KAZN: variants seen among roughly 807,000 people sequenced by gnomAD.
KAZN encodes the protein kazrin.
In KAZN, 40 loss-of-function variants were observed where a neutral mutation model predicts 87.4. That is an observed-to-expected ratio of 0.46 (90% CI 0.36 to 0.60). The LOEUF is 0.60. Among genes scored for constraint, KAZN ranks in the 20% least tolerant of loss-of-function variants. The pLI, the probability that KAZN is intolerant of heterozygous loss-of-function variation, is 0.00. For synonymous variants in KAZN, 466 were observed against 458.3 expected (o/e 1.02, Z -0.22); for missense variants, 898 against 1,073.9 (o/e 0.84, Z 2.29).
chr1:14,977,409 A>G (rs1665757529), intron 2 of KAZN, among the ~76,000 whole-genome samples: 1 of 152,190 alleles, frequency 6.6e-6, no homozygotes, highest in Non-Finnish European at 1.5e-5. Flanking sequence ...TCCATCCCAG[A>G]TTCCGGAAGG....
intron 2 of KAZN, among the ~76,000 whole-genome samples, chr1:14,570,249 T>C (rs1674783796): frequency 6.6e-6 from 1 of 152,228 alleles, no homozygotes; most frequent in Non-Finnish European, 1.5e-5. Flanking sequence ...TTTTAACAGC[T>C]TTATTAGGGT....
intron 1 of KAZN, among the ~76,000 whole-genome samples, chr1:14,862,300 A>G (rs1297711736): frequency 6.6e-6 from 1 of 152,172 alleles, no homozygotes; most frequent in East Asian, 1.9e-4. Flanking sequence ...CCGTCGGCAG[A>G]AGGCCTGCTG....
At chr1:15,014,518 A>T (rs1669886355) in intron 2 of KAZN, among the ~76,000 whole-genome samples, 1 of 152,046 alleles carries the variant, frequency 6.6e-6, no homozygotes, top group South Asian at 2.1e-4. Context: ...TAACCCTTCA[A>T]GCTCTGCTGG....
chr1:14,847,518 C>T (rs1311383123), intron 1 of KAZN, among the ~76,000 whole-genome samples: 1 of 152,200 alleles, frequency 6.6e-6, no homozygotes, highest in African/African-American at 2.4e-5. Flanking sequence ...TGCCTTGGGT[C>T]CGCAGTGAGC....
At chr1:14,204,761 C>A (rs890077482) in intron 2 of KAZN, among the ~76,000 whole-genome samples, 9 of 152,280 alleles carry the variant, frequency 5.9e-5, no homozygotes, top group African/African-American at 2.2e-4. Context: ...TGTAGAGTCG[C>A]AAAGTTATGG....
At chr1:14,629,538 C>T (rs1043429181) in intron 1 of KAZN, among the ~76,000 whole-genome samples, 3 of 152,184 alleles carry the variant, frequency 2.0e-5, no homozygotes, top group Non-Finnish European at 4.4e-5. Flanking sequence ...GAGGTGGCCA[C>T]GCCCTGCCTC....
intron 2 of KAZN, among the ~76,000 whole-genome samples, chr1:14,296,167 G>A (rs532555200): frequency 6.6e-6 from 1 of 152,212 alleles, no homozygotes; most frequent in Non-Finnish European, 1.5e-5. Flanking sequence ...TGAATGTCTA[G>A]CATAAAGAAG....
intron 1 of KAZN, among the ~76,000 whole-genome samples, chr1:14,878,085 G>T (rs1235653364): frequency 6.6e-6 from 1 of 152,056 alleles, no homozygotes; most frequent in African/African-American, 2.4e-5. Flanking sequence ...CCAGCTCTCC[G>T]ACATATTGGC....
chr1:14,568,938 T>C (rs144898221), intron 2 of KAZN, among the ~76,000 whole-genome samples: 28 of 152,324 alleles, frequency 1.8e-4, no homozygotes, highest in African/African-American at 6.7e-4. Context: ...CCATTAGCCC[T>C]GGGGAAATTA....
At chr1:15,029,537 T>C (rs1671478955) in intron 2 of KAZN, among the ~76,000 whole-genome samples, 1 of 152,086 alleles carries the variant, frequency 6.6e-6, no homozygotes, top group Admixed American at 6.5e-5. Flanking sequence ...GACTGCCGGA[T>C]AAATGATAAC....
intron 2 of KAZN, among the ~76,000 whole-genome samples, chr1:15,015,745 C>G (rs58829231): frequency 7.2e-5 from 11 of 152,130 alleles, no homozygotes; most frequent in Admixed American, 7.2e-4. Context: ...TGACCACCAT[C>G]CCTTCTGGTG....
At chr1:14,804,646 A>G (rs1023943111) in intron 1 of KAZN, among the ~76,000 whole-genome samples, 1 of 152,180 alleles carries the variant, frequency 6.6e-6, no homozygotes, top group African/African-American at 2.4e-5. Context: ...TGCAATGGAA[A>G]AAGAGGCCTC....
intron 2 of KAZN, among the ~76,000 whole-genome samples, chr1:14,426,341 T>G (rs1665724661): frequency 6.6e-6 from 1 of 152,138 alleles, no homozygotes; most frequent in Admixed American, 6.5e-5. Context: ...CATTCCTGCC[T>G]CACATGTATC....
At chr1:15,048,668 C>CTGGTCCTGGGTCGT (rs1673890970) in intron 4 of KAZN, among the ~76,000 whole-genome samples, 2 of 68,452 alleles carry the variant, frequency 2.9e-5, no homozygotes, top group Non-Finnish European at 2.7e-5. Context: ...TCCTGGGTCG[C>CTGGTCCTGGGTCGT]TGGTCCTGGG....
intron 2 of KAZN, among the ~76,000 whole-genome samples, chr1:14,292,937 A>C (rs1271686888): frequency 1.3e-5 from 2 of 152,230 alleles, no homozygotes; most frequent in Non-Finnish European, 2.9e-5. Flanking sequence ...AGGCATGTAC[A>C]GTTCAATATC....
At chr1:14,374,377 C>G (rs1190728450) in intron 2 of KAZN, among the ~76,000 whole-genome samples, 2 of 152,190 alleles carry the variant, frequency 1.3e-5, no homozygotes, top group Non-Finnish European at 2.9e-5. Flanking sequence ...GATCAAGTCT[C>G]AAGTACCATC....
chr1:14,843,430 C>T (rs1648272939), intron 1 of KAZN, among the ~76,000 whole-genome samples: 1 of 152,164 alleles, frequency 6.6e-6, no homozygotes, highest in East Asian at 1.9e-4. Context: ...GAGTAGTTTT[C>T]TAGGCAGAGA....
chr1:14,963,252 C>G (rs572301554), intron 2 of KAZN, among the ~76,000 whole-genome samples: 1 of 152,294 alleles, frequency 6.6e-6, no homozygotes, highest in African/African-American at 2.4e-5. Flanking sequence ...GAAAAGGAAG[C>G]TTTATTGAGC....
intron 1 of KAZN, among the ~76,000 whole-genome samples, chr1:14,157,927 C>CTCATGAGAACTCACTCACTA (rs1645631242): frequency 6.6e-6 from 1 of 152,058 alleles, no homozygotes; most frequent in Non-Finnish European, 1.5e-5. Flanking sequence ...ACCATCAGAT[C>CTCATGAGAACTCACTCACTA]TCATGAGAAC....
Sources: allele counts gnomAD v4.1 joint callset (sites outside exome capture counted in the v4.1 genomes callset), GRCh38; gene constraint gnomAD v4.1.1; transcripts MANE v1.5; gene names NCBI Gene and HGNC (gene_info 2026-07-23, HGNC 2026-07-21).